NDUFAF6: variants seen among roughly 807,000 people sequenced by gnomAD.
NDUFAF6 encodes the protein NADH dehydrogenase (ubiquinone) complex I, assembly factor 6.
NDUFAF6 carries 45 observed loss-of-function variants against 40.8 expected under a neutral mutation model. That is an observed-to-expected ratio of 1.10 (90% CI 0.87 to 1.42). The LOEUF (loss-of-function observed/expected upper bound fraction) is 1.42. Among genes scored for constraint, NDUFAF6 ranks in the 40% most tolerant of loss-of-function variants. NDUFAF6 has a pLI of 0.00. For missense variants in NDUFAF6, 435 were observed against 418.5 expected (o/e 1.04, Z -0.34); for synonymous variants, 185 against 155.9 (o/e 1.19, Z -1.39).
At chr8:94,998,428 C>CAAT (rs977150218) in intron 2 of NDUFAF6, among the ~76,000 whole-genome samples, 13 of 150,852 alleles carry the variant, frequency 8.6e-5, no homozygotes, top group African/African-American at 2.9e-4. Flanking sequence ...GCAATGACAG[C>CAAT]ATATTAAGGA....
chr8:95,049,124 C>A lies in NDUFAF6; in HGVS notation c.816+566C>A, dbSNP rs118083603. Among the ~76,000 whole-genome samples, 22 of 152,324 alleles carry A rather than the reference C, an allele frequency of 1.4e-4. No homozygotes were observed. The East Asian group carries it at 4.2e-3, about 29-fold the overall frequency. On this transcript the variant is annotated intron_variant, in intron 7 of 8. Coordinates refer to ENST00000396124, the MANE Select transcript of NDUFAF6 (RefSeq NM_152416.4). ...CATCATGCTATGATTTGGCTCCTAT[C>A]CTGCCCACTCTAATAAACAATCACG...
At chr8:95,034,163 T>C (rs1473128931) in intron 2 of NDUFAF6, 5 of 440,228 alleles carry the variant, frequency 1.1e-5, no homozygotes, top group Non-Finnish European at 2.3e-5. Context: ...CTGTTGTTAA[T>C]ATTTTGTCCC....
At chr8:95,036,625 T>A in intron 3 of NDUFAF6, 1 of 687,958 alleles carries the variant, frequency 1.5e-6, no homozygotes, top group South Asian at 1.9e-5. Context: ...AATCGGAGTA[T>A]AGTGGAGGTG....
At chr8:94,982,852 T>C (rs563973736) in intron 2 of NDUFAF6, among the ~76,000 whole-genome samples, 1 of 152,266 alleles carries the variant, frequency 6.6e-6, no homozygotes, top group Non-Finnish European at 1.5e-5. Flanking sequence ...GTTGAGACTC[T>C]GTATCTCTCT....
chr8:95,111,306 G>A (rs1351933498), intron 4 of NDUFAF6, among the ~76,000 whole-genome samples: 1 of 152,166 alleles, frequency 6.6e-6, no homozygotes, highest in East Asian at 1.9e-4. Flanking sequence ...GGAAGCTGTT[G>A]CCAGATGCAC....
chr8:95,031,217 C>T (rs569932030), intron 1 of NDUFAF6, among the ~76,000 whole-genome samples: 1 of 152,266 alleles, frequency 6.6e-6, no homozygotes, highest in Non-Finnish European at 1.5e-5. Context: ...TTCACCAATA[C>T]CGGGAATGTG....
At chr8:95,012,942 G>T (rs1379459978) in intron 2 of NDUFAF6, among the ~76,000 whole-genome samples, 1 of 152,126 alleles carries the variant, frequency 6.6e-6, no homozygotes, top group African/African-American at 2.4e-5. Context: ...AGTTTTGCCA[G>T]AGTTTGACCT....
intron 4 of NDUFAF6, chr8:95,115,392 A>T (rs892784837): frequency 6.6e-6 from 1 of 152,202 alleles, no homozygotes; most frequent in African/African-American, 2.4e-5. Flanking sequence ...GGCAACTTTT[A>T]AATGTTATAT....
At chr8:94,980,213 T>TTG (rs1198223637) in intron 1 of NDUFAF6, among the ~76,000 whole-genome samples, 2 of 149,152 alleles carry the variant, frequency 1.3e-5, no homozygotes, top group African/African-American at 4.9e-5. Context: ...TGCATTTTTA[T>TTG]TATATATATA....
intron 1 of NDUFAF6, among the ~76,000 whole-genome samples, chr8:94,917,561 A>T (rs1455777095): frequency 6.6e-6 from 1 of 152,154 alleles, no homozygotes; most frequent in Non-Finnish European, 1.5e-5. Flanking sequence ...GTGTATTGGC[A>T]ATGGCATCCC....
At chr8:94,904,903 A>C (rs1054345364) in intron 1 of NDUFAF6, among the ~76,000 whole-genome samples, 3 of 152,170 alleles carry the variant, frequency 2.0e-5, no homozygotes, top group Non-Finnish European at 1.5e-5. Flanking sequence ...TATTGGGTTA[A>C]AATTTTCTTC....
intron 1 of NDUFAF6, among the ~76,000 whole-genome samples, chr8:94,924,441 AT>A (rs1819724767): frequency 6.6e-6 from 1 of 152,184 alleles, no homozygotes; most frequent in Non-Finnish European, 1.5e-5. Context: ...TATGCATAGC[AT>A]TTAGGTTTTT....
At chr8:95,018,328 C>T (rs1480842144) in intron 2 of NDUFAF6, among the ~76,000 whole-genome samples, 5 of 152,070 alleles carry the variant, frequency 3.3e-5, no homozygotes, top group East Asian at 1.9e-4. Flanking sequence ...TGAGCTACCA[C>T]ACCTGGCCTG....
downstream of NDUFAF6, among the ~76,000 whole-genome samples, chr8:95,078,890 C>G (rs181104462): frequency 1.3e-5 from 2 of 152,022 alleles, no homozygotes; most frequent in Admixed American, 1.3e-4. Context: ...ATAGCCCATT[C>G]TTTTTTATTG....
chr8:94,958,652 A>G (rs1823297578), intron 1 of NDUFAF6, among the ~76,000 whole-genome samples: 1 of 147,118 alleles, frequency 6.8e-6, no homozygotes, highest in Admixed American at 7.0e-5. Context: ...CTCCTGCCTC[A>G]GTCTCCTGAG....
chr8:94,902,612 A>G (rs1002289099), intron 1 of NDUFAF6, among the ~76,000 whole-genome samples: 2 of 148,852 alleles, frequency 1.3e-5, no homozygotes, highest in African/African-American at 5.0e-5. Context: ...ACACTTTGTT[A>G]TTTTTTAATT....
chr8:95,105,064 CACAGAGAGAG>C (rs1406064098), downstream of NDUFAF6, among the ~76,000 whole-genome samples: 253 of 105,766 alleles, frequency 2.4e-3, 2 homozygotes, highest in Middle Eastern at 5.1e-3. Context: ...CACACACACA[CACAGAGAGAG>C]AGAGAGAGAG....
At chr8:95,052,705 T>TG (rs1831582564) in intron 8 of NDUFAF6, among the ~76,000 whole-genome samples, 2 of 152,104 alleles carry the variant, frequency 1.3e-5, no homozygotes, top group Non-Finnish European at 2.9e-5. Flanking sequence ...CTGGTTGCAG[T>TG]GGGGTAACCT....
chr8:94,930,528 T>C (rs1820289851), intron 1 of NDUFAF6: 1 of 1,614,140 alleles, frequency 6.2e-7, no homozygotes, highest in South Asian at 1.1e-5. Flanking sequence ...CCAGCCATTG[T>C]GCTTGACTTG....
Sources: allele counts gnomAD v4.1 joint callset (sites outside exome capture counted in the v4.1 genomes callset), GRCh38; gene constraint gnomAD v4.1.1; transcripts MANE v1.5; gene names NCBI Gene and HGNC (gene_info 2026-07-23, HGNC 2026-07-21).